The following ARMC3 variants were observed in gnomAD, a reference collection of about 807,000 sequenced individuals.
The protein encoded by ARMC3 is armadillo repeat-containing protein 3.
Under a neutral mutation model 90.3 loss-of-function variants are expected in ARMC3, and 74 were observed. The ratio of observed to expected loss-of-function variants is 0.82; its 90% confidence interval spans 0.68 to 0.99. The LOEUF is 0.99. Among genes scored for constraint, ARMC3 ranks in the 50% least tolerant of loss-of-function variants. The pLI is 0.00. For synonymous variants in ARMC3, 334 were observed against 361.8 expected, an observed-to-expected ratio of 0.92 and a Z score of 0.87; for missense variants, 958 against 1,042.8, an observed-to-expected ratio of 0.92 and a Z score of 1.12.
At chr10:23,015,884 A>G (rs1838246695) in intron 16 of ARMC3, among the ~76,000 whole-genome samples, 2 of 152,308 alleles carry the variant, frequency 1.3e-5, no homozygotes, top group South Asian at 4.1e-4. Context: ...ATACTTATTG[A>G]GCGCCTTCTA....
chr10:23,014,476 C>A, intron 16 of ARMC3: 1 of 1,036,748 alleles, frequency 9.6e-7, no homozygotes, highest in African/African-American at 1.7e-5. Context: ...ATTTTAACTG[C>A]ATTCGTCTGA....
intron 8 of ARMC3, among the ~76,000 whole-genome samples, chr10:22,980,672 T>C (rs1836146686): frequency 6.6e-6 from 1 of 152,176 alleles, no homozygotes; most frequent in South Asian, 2.1e-4. Flanking sequence ...ACATTAAAAA[T>C]ACTTTGGTTT....
At chr10:23,004,705 C>T (rs1837489358) in intron 13 of ARMC3, among the ~76,000 whole-genome samples, 1 of 152,232 alleles carries the variant, frequency 6.6e-6, no homozygotes, top group South Asian at 2.1e-4. Context: ...AGCACTCCAT[C>T]GTGGTAGTGG....
intron 11 of ARMC3, among the ~76,000 whole-genome samples, chr10:22,999,152 CTT>C (rs112041994): frequency 0.083 from 12,677 of 152,116 alleles, 1,232 homozygotes; most frequent in African/African-American, 0.24. Context: ...TTGTGTTTCT[CTT>C]ATATTTCTTA....
intron 11 of ARMC3, among the ~76,000 whole-genome samples, chr10:23,001,129 G>A (rs113029247): frequency 1.3e-5 from 2 of 152,162 alleles, no homozygotes; most frequent in African/African-American, 4.8e-5. Flanking sequence ...CTTGGTGGCC[G>A]TGCACAGTGA....
intron 16 of ARMC3, among the ~76,000 whole-genome samples, chr10:23,010,630 A>G (rs1330404392): frequency 7.9e-5 from 5 of 63,196 alleles, no homozygotes; most frequent in African/African-American, 6.7e-5. Context: ...CTGACCTACC[A>G]TCTTCTCTCT....
chr10:22,962,930 T>C (rs1028092018), intron 7 of ARMC3, among the ~76,000 whole-genome samples: 1 of 152,186 alleles, frequency 6.6e-6, no homozygotes, highest in African/African-American at 2.4e-5. Context: ...CCATATGTGA[T>C]CCCCTATAAT....
chr10:22,958,158 C>A (rs768506972), intron 4 of ARMC3, among the ~76,000 whole-genome samples: 4 of 152,062 alleles, frequency 2.6e-5, no homozygotes, highest in Non-Finnish European at 5.9e-5. Flanking sequence ...TTTATTTGCC[C>A]CAAATCATGC....
At chr10:22,961,681 C>T (rs987672266) in intron 6 of ARMC3, 10 of 506,570 alleles carry the variant, frequency 2.0e-5, no homozygotes, top group Non-Finnish European at 3.5e-5. Context: ...CTGTTGTAGA[C>T]AATGTCTACA....
At chr10:23,001,577 T>C (rs1455548078) in intron 11 of ARMC3, among the ~76,000 whole-genome samples, 1 of 152,196 alleles carries the variant, frequency 6.6e-6, no homozygotes, top group East Asian at 1.9e-4. Context: ...TGTCTATCAC[T>C]GAGCTGAATG....
intron 4 of ARMC3, among the ~76,000 whole-genome samples, chr10:22,958,470 G>C (rs1378482059): frequency 6.6e-6 from 1 of 152,118 alleles, no homozygotes; most frequent in Non-Finnish European, 1.5e-5. Flanking sequence ...GTAGGGCACA[G>C]TGACTCAACT....
chr10:22,968,779 G>A (rs1317497632), intron 8 of ARMC3, among the ~76,000 whole-genome samples: 1 of 152,122 alleles, frequency 6.6e-6, no homozygotes, highest in Non-Finnish European at 1.5e-5. Flanking sequence ...ATGAGCCACT[G>A]CACCCTGCCA....
intron 8 of ARMC3, among the ~76,000 whole-genome samples, chr10:22,974,425 CATGTTTT>C (rs1437070558): frequency 4.6e-5 from 7 of 152,106 alleles, no homozygotes; most frequent in Admixed American, 6.5e-5. Context: ...TTTCTGACAT[CATGTTTT>C]ATGTTTTATG....
chr10:22,968,608 T>A (rs1835547721), intron 8 of ARMC3, 119 bp downstream of exon 8: 3 of 869,516 alleles, frequency 3.5e-6, no homozygotes, highest in Non-Finnish European at 4.9e-6. Flanking sequence ...TACAAGTGAT[T>A]CTCCCACCTC....
At chr10:23,026,408 A>G (rs1838717605) in intron 16 of ARMC3, among the ~76,000 whole-genome samples, 1 of 152,104 alleles carries the variant, frequency 6.6e-6, no homozygotes, top group South Asian at 2.1e-4. Flanking sequence ...TGAGGGCTTT[A>G]TCCTAGGAAT....
chr10:22,932,147 G>A, intron 2 of ARMC3, 103 bp downstream of exon 2: 2 of 858,654 alleles, frequency 2.3e-6, no homozygotes, highest in South Asian at 4.6e-5. Context: ...AATACGCGGT[G>A]GCAGAAGTCC....
chr10:23,005,233 AC>A (rs113618362), intron 13 of ARMC3, among the ~76,000 whole-genome samples: 186 of 146,902 alleles, frequency 1.3e-3, no homozygotes, highest in Non-Finnish European at 1.6e-3. Context: ...AAAAAAAAAA[AC>A]CAAACCAAGG....
intron 4 of ARMC3, among the ~76,000 whole-genome samples, chr10:22,958,641 T>C (rs1320652579): frequency 6.6e-6 from 1 of 152,224 alleles, no homozygotes; most frequent in Non-Finnish European, 1.5e-5. Flanking sequence ...CTTTGTGGTT[T>C]TGAGCCTCAA....
At chr10:22,947,040 G>A (rs535794164) in intron 3 of ARMC3, among the ~76,000 whole-genome samples, 2 of 151,736 alleles carry the variant, frequency 1.3e-5, no homozygotes, top group East Asian at 1.9e-4. Flanking sequence ...GTGTAGTGGT[G>A]CATGCTTTTA....
Sources: gnomAD v4.1 joint callset for allele counts (sites outside exome capture counted in the v4.1 genomes callset) on GRCh38, gnomAD v4.1.1 for gene constraint, MANE v1.5 for transcripts, NCBI Gene and HGNC (gene_info 2026-07-23, HGNC 2026-07-21) for gene names.